SDK1: variants seen among roughly 807,000 people sequenced by gnomAD.
SDK1 encodes protein sidekick-1.
In SDK1, 157 loss-of-function variants were observed where a neutral mutation model predicts 245.5. That is an observed-to-expected ratio of 0.64 (90% CI 0.56 to 0.73). The LOEUF (loss-of-function observed/expected upper bound fraction) is 0.73, where lower values mean the gene tolerates loss of function less well. Among genes scored for constraint, SDK1 ranks in the 30% least tolerant of loss-of-function variants. SDK1 has a pLI of 0.00. For missense variants in SDK1, 3,583 were observed against 3,002.3 expected, an observed-to-expected ratio of 1.19 and a Z score of -4.52; for synonymous variants, 1,647 against 1,278.5, an observed-to-expected ratio of 1.29 and a Z score of -6.15.
At chr7:3,707,012 T>A (rs1379996739) in intron 4 of SDK1, among the ~76,000 whole-genome samples, 2 of 152,232 alleles carry the variant, frequency 1.3e-5, no homozygotes. Context: ...GATTTTTGTT[T>A]CATTGATATT....
intron 21 of SDK1, among the ~76,000 whole-genome samples, chr7:4,079,179 T>C (rs887546848): frequency 2.0e-5 from 3 of 152,188 alleles, no homozygotes; most frequent in Non-Finnish European, 2.9e-5. Flanking sequence ...AGTACAGAGA[T>C]GCGTAAGACA....
At chr7:4,103,815 G>A (rs1461468808) in intron 22 of SDK1, among the ~76,000 whole-genome samples, 1 of 152,218 alleles carries the variant, frequency 6.6e-6, no homozygotes, top group Non-Finnish European at 1.5e-5. Flanking sequence ...CAGTGCCGTG[G>A]GGGTGGTGCG....
At chr7:3,372,009 G>A (rs187630058) in intron 1 of SDK1, among the ~76,000 whole-genome samples, 6 of 152,328 alleles carry the variant, frequency 3.9e-5, no homozygotes, top group Middle Eastern at 3.4e-3. Flanking sequence ...CTAGGAATCT[G>A]TAAGGCTGTG....
chr7:3,966,347 C>T (rs751163070), intron 9 of SDK1, among the ~76,000 whole-genome samples: 2 of 152,094 alleles, frequency 1.3e-5, no homozygotes, highest in Non-Finnish European at 1.5e-5. Context: ...GGGGTATCAG[C>T]CCAGGGACCC....
intron 1 of SDK1, among the ~76,000 whole-genome samples, chr7:3,380,745 C>T (rs542268709): frequency 1.3e-5 from 2 of 152,142 alleles, no homozygotes; most frequent in Non-Finnish European, 2.9e-5. Flanking sequence ...AACAGAGTGG[C>T]TGCTGCCCCT....
At chr7:3,919,311 A>C (rs1273131436) in intron 5 of SDK1, among the ~76,000 whole-genome samples, 1 of 152,214 alleles carries the variant, frequency 6.6e-6, no homozygotes, top group African/African-American at 2.4e-5. Flanking sequence ...CCGGCCTTGC[A>C]GCCCGTGTGG....
chr7:4,139,490 T>C (rs1263854650), intron 28 of SDK1, among the ~76,000 whole-genome samples: 1 of 110,372 alleles, frequency 9.1e-6, no homozygotes. Flanking sequence ...TGTGTGTGTA[T>C]ATATGTGTGT....
intron 4 of SDK1, among the ~76,000 whole-genome samples, chr7:3,680,582 A>G (rs897907951): frequency 1.3e-5 from 2 of 152,196 alleles, no homozygotes; most frequent in Non-Finnish European, 2.9e-5. Context: ...AATTAGATGA[A>G]GAGTACATAA....
At chr7:3,584,951 C>G (rs575619003) in intron 1 of SDK1, among the ~76,000 whole-genome samples, 1 of 152,074 alleles carries the variant, frequency 6.6e-6, no homozygotes, top group Non-Finnish European at 1.5e-5. Flanking sequence ...GTCCCGATCT[C>G]CTGACCTCGT....
At chr7:4,091,726 G>A (rs1306901344) in intron 22 of SDK1, among the ~76,000 whole-genome samples, 2 of 152,106 alleles carry the variant, frequency 1.3e-5, no homozygotes, top group South Asian at 4.1e-4. Context: ...GCAGGCCAGT[G>A]TAGATAAGAG....
Position 4,245,892 on chromosome 7 carries a change from A to G in SDK1, c.6381+87A>G, listed in dbSNP as rs1035978224. The G allele has an allele frequency of 9.9e-6, 15 of 1,512,762 alleles. No homozygotes were observed. The Middle Eastern group carries it at 5.1e-4, about 52-fold the overall frequency. 93.7% of individuals were successfully genotyped at this position (1,512,762 alleles called of 1,614,324 possible). On this transcript the variant is annotated intron_variant, in intron 44 of 44. Coordinates refer to ENST00000404826, the MANE Select transcript of SDK1 (RefSeq NM_152744.4). The stretch of plus-strand genomic sequence containing the variant: ...CTGCCCCCTCAGGCTGTCTTGTCCT[A>G]TTTGAGTCTCATAACATCCCCACAG...
At chr7:3,808,215 C>T (rs143596927) in intron 4 of SDK1, among the ~76,000 whole-genome samples, 7 of 152,242 alleles carry the variant, frequency 4.6e-5, no homozygotes, top group Admixed American at 1.3e-4. Context: ...CTCATCATGA[C>T]GGCGAGGAGG....
intron 5 of SDK1, among the ~76,000 whole-genome samples, chr7:3,878,572 C>T (rs1002827376): frequency 3.9e-5 from 6 of 152,126 alleles, no homozygotes; most frequent in South Asian, 2.1e-4. Flanking sequence ...TAACCACAAA[C>T]GAAGTTCTCT....
intron 4 of SDK1, among the ~76,000 whole-genome samples, chr7:3,802,544 A>G (rs1779133790): frequency 6.6e-6 from 1 of 151,962 alleles, no homozygotes; most frequent in Non-Finnish European, 1.5e-5. Context: ...CAAAAAAAAA[A>G]AAAGTGCTAC....
intron 4 of SDK1, among the ~76,000 whole-genome samples, chr7:3,760,330 A>G (rs148545510): frequency 2.4e-4 from 37 of 152,298 alleles, no homozygotes; most frequent in Admixed American, 3.9e-4. Flanking sequence ...AACCACAGCA[A>G]TGTGCATGCA....
At chr7:4,041,107 C>G (rs572224212) in intron 17 of SDK1, among the ~76,000 whole-genome samples, 1 of 152,124 alleles carries the variant, frequency 6.6e-6, no homozygotes, top group African/African-American at 2.4e-5. Flanking sequence ...TACAGACAAA[C>G]AAATTCACAG....
chr7:3,365,799 G>T (rs1781072311), intron 1 of SDK1, among the ~76,000 whole-genome samples: 1 of 141,098 alleles, frequency 7.1e-6, no homozygotes, highest in Non-Finnish European at 1.6e-5. Flanking sequence ...TTGGGAGGCC[G>T]AGGTGGGTGT....
Position 3,858,389 on chromosome 7 carries a change from A to T in SDK1, c.847+36806A>T, listed in dbSNP as rs533286896. 2.0e-5 allele frequency among the ~76,000 whole-genome samples: 3 copies of T among 152,300 alleles called. No individual in the cohort carries two copies. In the South Asian group the frequency reaches 6.2e-4, roughly 32 times the overall value. On this transcript the variant is annotated intron_variant, in intron 5 of 44. Transcript: ENST00000404826. ...CCACATAGTGAGACCCCATCTCAAA[A>T]AAACAAAACTGCAAAACAATACTTT...
intron 35 of SDK1, among the ~76,000 whole-genome samples, chr7:4,190,093 A>G (rs533136945): frequency 1.3e-5 from 2 of 152,352 alleles, no homozygotes; most frequent in Admixed American, 6.5e-5. Context: ...CAGTGACGCC[A>G]GTTTGAAAAC....
Sources: gnomAD v4.1 joint callset for allele counts (sites outside exome capture counted in the v4.1 genomes callset) on GRCh38, gnomAD v4.1.1 for gene constraint, MANE v1.5 for transcripts, NCBI Gene and HGNC (gene_info 2026-07-23, HGNC 2026-07-21) for gene names.